TAS2R1: variants seen among roughly 807,000 people sequenced by gnomAD.
TAS2R1 encodes the protein taste 2 receptor member 1, also known as taste receptor type 2 member 1.
For synonymous variants in TAS2R1, 141 were observed against 134.2 expected, an observed-to-expected ratio of 1.05 and a Z score of -0.35; for missense variants, 370 against 353.4, an observed-to-expected ratio of 1.05 and a Z score of -0.38.
chr5:9,753,392 G>A, the TAS2R1 span, among the ~76,000 whole-genome samples: 4 of 152,030 alleles, frequency 2.6e-5, no homozygotes, highest in African/African-American at 4.8e-5. Flanking sequence ...TTTTTGATGG[G>A]GTTGTTTGTT....
At chr5:9,705,168 T>C (rs551364083) in intron 1 of TAS2R1, among the ~76,000 whole-genome samples, 1 of 152,088 alleles carries the variant, frequency 6.6e-6, no homozygotes, top group African/African-American at 2.4e-5. Context: ...GAAAATTGCG[T>C]GCAAGACATG....
At chr5:9,874,773 T>A in the TAS2R1 span, among the ~76,000 whole-genome samples, 1 of 152,274 alleles carries the variant, frequency 6.6e-6, no homozygotes, top group East Asian at 1.9e-4. Context: ...AATAACTCCA[T>A]CTCTTTCAAC....
At chr5:9,631,334 G>C (rs919233860), upstream of TAS2R1, among the ~76,000 whole-genome samples, 3 of 152,136 alleles carry the variant, frequency 2.0e-5, no homozygotes, top group Non-Finnish European at 2.9e-5. Flanking sequence ...CAAATTCCTG[G>C]ACTCAGGTAA....
the TAS2R1 span, among the ~76,000 whole-genome samples, chr5:9,902,919 T>C: frequency 2.6e-5 from 4 of 151,876 alleles, no homozygotes; most frequent in Admixed American, 6.6e-5. Context: ...AAAGTAACCA[T>C]TTTGAAATAT....
the TAS2R1 span, among the ~76,000 whole-genome samples, chr5:9,873,170 G>A: frequency 6.6e-6 from 1 of 152,170 alleles, no homozygotes; most frequent in Non-Finnish European, 1.5e-5. Flanking sequence ...GGTGCTTGCT[G>A]CTGAGACCCA....
At chr5:9,823,676 G>A in the TAS2R1 span, among the ~76,000 whole-genome samples, 3 of 141,034 alleles carry the variant, frequency 2.1e-5, no homozygotes, top group Non-Finnish European at 4.7e-5. Flanking sequence ...AAGGAAGGAA[G>A]GGAAGGAAAG....
At chr5:9,823,499 GA>G in the TAS2R1 span, among the ~76,000 whole-genome samples, 1 of 145,026 alleles carries the variant, frequency 6.9e-6, no homozygotes, top group Non-Finnish European at 1.5e-5. Context: ...GGAAGGGGAA[GA>G]GGAAGGGGAA....
the TAS2R1 span, among the ~76,000 whole-genome samples, chr5:9,834,669 C>A: frequency 6.6e-6 from 1 of 151,852 alleles, no homozygotes; most frequent in African/African-American, 2.4e-5. Flanking sequence ...CCCTCCCCTG[C>A]ATTAGAAAGA....
chr5:9,783,443 G>A, the TAS2R1 span, among the ~76,000 whole-genome samples: 2 of 152,196 alleles, frequency 1.3e-5, no homozygotes, highest in Non-Finnish European at 2.9e-5. Flanking sequence ...AGAACCAGAT[G>A]GCTTCAAGAA....
upstream of TAS2R1, among the ~76,000 whole-genome samples, chr5:9,716,000 T>C (rs114950286): frequency 0.014 from 2,171 of 152,346 alleles, 56 homozygotes; most frequent in African/African-American, 0.05. Context: ...CATACTCTTT[T>C]ACTGCCAATT....
chr5:9,677,432 A>G (rs1289248472), intron 1 of TAS2R1, among the ~76,000 whole-genome samples: 2 of 135,190 alleles, frequency 1.5e-5, no homozygotes, highest in African/African-American at 5.5e-5. Context: ...AAAGAGAACC[A>G]AAAGACAAGA....
chr5:9,655,612 T>A (rs1377814501), intron 2 of TAS2R1, among the ~76,000 whole-genome samples: 2 of 152,106 alleles, frequency 1.3e-5, no homozygotes, highest in Non-Finnish European at 2.9e-5. Flanking sequence ...TTTAAATGTG[T>A]GATGGGCCAA....
At chr5:9,724,826 C>G in the TAS2R1 span, among the ~76,000 whole-genome samples, 1 of 152,220 alleles carries the variant, frequency 6.6e-6, no homozygotes, top group Admixed American at 6.5e-5. Flanking sequence ...AGGCACTTCT[C>G]TCAAATGACT....
chr5:9,756,763 C>T, the TAS2R1 span, among the ~76,000 whole-genome samples: 2 of 151,922 alleles, frequency 1.3e-5, no homozygotes, highest in Non-Finnish European at 2.9e-5. Flanking sequence ...AAGGCAAAGT[C>T]GAAAGGGTTG....
chr5:9,640,048 C>T (rs1254445794), intron 2 of TAS2R1, among the ~76,000 whole-genome samples: 1 of 152,134 alleles, frequency 6.6e-6, no homozygotes, highest in Non-Finnish European at 1.5e-5. Flanking sequence ...TCTCAACATG[C>T]CTTTCTCACT....
intron 1 of TAS2R1, among the ~76,000 whole-genome samples, chr5:9,660,498 T>C (rs1037767485): frequency 3.3e-5 from 5 of 152,166 alleles, no homozygotes; most frequent in Admixed American, 6.5e-5. Context: ...TTTGAGCTAA[T>C]ACCTAAAAGA....
chr5:9,629,905 G>A lies in TAS2R1; in HGVS notation c.128C>T (p.Pro43Leu), dbSNP rs2234231. 203 of 1,613,950 alleles carry A rather than the reference G, an allele frequency of 1.3e-4. No homozygotes were observed. The African/African-American group carries it at 1.8e-3, about 14-fold the overall frequency. ...IDLIKHRKMAPLDLLLSCLAV... is the reference protein window; with the variant it reads ...IDLIKHRKMALLDLLLSCLAV... ...CAGACAAGAAAGAAGGAGATCCAGCGGAGCCATTTTTCTGTGCTTGATCAA... is the reference window on the plus strand; with the variant it reads ...CAGACAAGAAAGAAGGAGATCCAGCAGAGCCATTTTTCTGTGCTTGATCAA... Residue 43 changes from proline to leucine, a missense_variant, in exon 1 of 1, where the codon CCG (proline) becomes CTG (leucine). Coordinates refer to ENST00000382492, the MANE Select transcript of TAS2R1 (RefSeq NM_019599.3).
At chr5:9,847,447 A>G in the TAS2R1 span, among the ~76,000 whole-genome samples, 5 of 152,354 alleles carry the variant, frequency 3.3e-5, no homozygotes, top group South Asian at 1.0e-3. Context: ...GCTCTAGACC[A>G]TCTGTCTTAA....
intron 1 of TAS2R1, among the ~76,000 whole-genome samples, chr5:9,692,785 C>T (rs1006088390): frequency 1.3e-5 from 2 of 152,174 alleles, no homozygotes; most frequent in African/African-American, 4.8e-5. Flanking sequence ...TTATGTGATG[C>T]GGAGCTGGAT....
Sources: gnomAD v4.1 joint callset for allele counts (sites outside exome capture counted in the v4.1 genomes callset) on GRCh38, gnomAD v4.1.1 for gene constraint, MANE v1.5 for transcripts, NCBI Gene and HGNC (gene_info 2026-07-23, HGNC 2026-07-21) for gene names.